Variants in PRDM6 observed in about 807,000 individuals in gnomAD.
PRDM6 encodes the protein PR/SET domain 6, also known as putative histone-lysine N-methyltransferase PRDM6.
PRDM6 carries 25 observed loss-of-function variants against 60.8 expected under a neutral mutation model. The observed-to-expected ratio is 0.41, with a 90% CI of 0.30 to 0.57. The LOEUF is 0.57. Ranked by LOEUF, PRDM6 falls within the 20% of genes least tolerant of loss-of-function variation. The probability of loss-of-function intolerance (pLI) is 0.27; values close to 1 mark genes in which losing one functional copy is unlikely to be tolerated. For missense variants in PRDM6, 839 were observed against 821.3 expected (o/e 1.02, Z -0.26); for synonymous variants, 407 against 357.4 (o/e 1.14, Z -1.57).
At chr5:123,115,078 A>G (rs941488697) in intron 3 of PRDM6, among the ~76,000 whole-genome samples, 1 of 152,172 alleles carries the variant, frequency 6.6e-6, no homozygotes, top group African/African-American at 2.4e-5. Flanking sequence ...GAGGAGGTGT[A>G]AGACATCTGT....
At chr5:123,136,936 G>T (rs1321153487) in intron 3 of PRDM6, among the ~76,000 whole-genome samples, 1 of 152,194 alleles carries the variant, frequency 6.6e-6, no homozygotes, top group Non-Finnish European at 1.5e-5. Flanking sequence ...CCCACACTCT[G>T]CAACCAAGCT....
chr5:123,153,754 C>T (rs1765429185), intron 3 of PRDM6, among the ~76,000 whole-genome samples: 1 of 152,052 alleles, frequency 6.6e-6, no homozygotes, highest in African/African-American at 2.4e-5. Flanking sequence ...TACTAATTTT[C>T]AAGGTGGACT....
intron 3 of PRDM6, among the ~76,000 whole-genome samples, chr5:123,143,147 A>ATG (rs1561848858): frequency 1.6e-3 from 149 of 93,978 alleles, no homozygotes; most frequent in South Asian, 7.9e-3. Context: ...GTAGTTTTTA[A>ATG]AGTGTGTGTG....
At chr5:123,122,164 CAAA>C (rs138619125) in intron 3 of PRDM6, among the ~76,000 whole-genome samples, 1 of 98,920 alleles carries the variant, frequency 1.0e-5, no homozygotes, top group Non-Finnish European at 1.8e-5. Context: ...CTCCATCTGA[CAAA>C]AAAAAAAAAA....
intron 3 of PRDM6, among the ~76,000 whole-genome samples, chr5:123,121,864 T>C (rs1764587727): frequency 6.6e-6 from 1 of 151,212 alleles, no homozygotes; most frequent in Admixed American, 6.6e-5. Flanking sequence ...TTTTTTTTTT[T>C]TTTTTAAGAA....
intron 5 of PRDM6, among the ~76,000 whole-genome samples, chr5:123,160,616 A>G (rs191988820): frequency 4.6e-5 from 7 of 152,350 alleles, no homozygotes; most frequent in African/African-American, 1.2e-4. Flanking sequence ...AAAAACGCTC[A>G]TATTATGACT....
intron 5 of PRDM6, among the ~76,000 whole-genome samples, chr5:123,168,296 G>A (rs1352838818): frequency 1.3e-5 from 2 of 152,006 alleles, no homozygotes; most frequent in African/African-American, 4.8e-5. Flanking sequence ...GTATATTTAT[G>A]TATATAATAC....
chr5:123,132,343 T>C (rs1764851944), intron 3 of PRDM6, among the ~76,000 whole-genome samples: 1 of 152,098 alleles, frequency 6.6e-6, no homozygotes, highest in Non-Finnish European at 1.5e-5. Flanking sequence ...AAGTTATCAA[T>C]TTTCACATAA....
At chr5:123,170,443 C>A (rs1163275489) in intron 5 of PRDM6, among the ~76,000 whole-genome samples, 1 of 152,204 alleles carries the variant, frequency 6.6e-6, no homozygotes, top group Non-Finnish European at 1.5e-5. Flanking sequence ...TGCCTCCCAT[C>A]TAAACTCCCT....
At chr5:123,096,231 A>G (rs1763956967) in intron 2 of PRDM6, among the ~76,000 whole-genome samples, 1 of 9,994 alleles carries the variant, frequency 1.0e-4, no homozygotes, top group East Asian at 2.6e-3. Flanking sequence ...TTAGGAACCT[A>G]AGTAGTTGTA....
At chr5:123,132,259 C>T (rs1396291913) in intron 3 of PRDM6, among the ~76,000 whole-genome samples, 2 of 152,074 alleles carry the variant, frequency 1.3e-5, no homozygotes, top group African/African-American at 4.8e-5. Flanking sequence ...TGCATTACCA[C>T]GTGGGGTGTA....
chr5:123,163,594 A>G (rs1487773492), intron 5 of PRDM6, among the ~76,000 whole-genome samples: 3 of 152,320 alleles, frequency 2.0e-5, no homozygotes, highest in Non-Finnish European at 4.4e-5. Context: ...CTCCAAAGAG[A>G]GTGCCTTTCC....
At chr5:123,164,359 A>T (rs1035127766) in intron 5 of PRDM6, among the ~76,000 whole-genome samples, 1 of 152,174 alleles carries the variant, frequency 6.6e-6, no homozygotes, top group Admixed American at 6.5e-5. Context: ...CTGTCCCTGA[A>T]TGGGGAATAG....
chr5:123,089,662 G>A (rs1239823785), intron 1 of PRDM6, 143 bp downstream of exon 1: 2 of 251,094 alleles, frequency 8.0e-6, no homozygotes, highest in Non-Finnish European at 1.5e-5. Flanking sequence ...CGCCACGCCG[G>A]CTCGGGTCGG....
intron 3 of PRDM6, among the ~76,000 whole-genome samples, chr5:123,102,131 G>T (rs1160197823): frequency 6.6e-6 from 1 of 151,988 alleles, no homozygotes; most frequent in East Asian, 1.9e-4. Context: ...GGTACATTTG[G>T]GAATTGAAGG....
chr5:123,173,752 G>C (rs1215183420), intron 6 of PRDM6, among the ~76,000 whole-genome samples: 1 of 152,154 alleles, frequency 6.6e-6, no homozygotes, highest in Non-Finnish European at 1.5e-5. Context: ...AATAGAGGGA[G>C]ATATCCAGTC....
intron 3 of PRDM6, among the ~76,000 whole-genome samples, chr5:123,119,279 A>G (rs1764527530): frequency 1.3e-5 from 2 of 152,204 alleles, no homozygotes; most frequent in Admixed American, 1.3e-4. Flanking sequence ...AAAAAACAAG[A>G]TGAGAGATTT....
chr5:123,143,148 AGTGTGTGT>A (rs139092433), intron 3 of PRDM6, among the ~76,000 whole-genome samples: 59 of 145,976 alleles, frequency 4.0e-4, no homozygotes, highest in East Asian at 3.8e-3. Flanking sequence ...TAGTTTTTAA[AGTGTGTGT>A]GTGTGTGTGT....
At chr5:123,171,138 G>T in intron 6 of PRDM6, 30 bp downstream of exon 6, 2 of 1,491,422 alleles carry the variant, frequency 1.3e-6, no homozygotes, top group South Asian at 1.3e-5. Context: ...CTGACAGTGT[G>T]TTTGCTTAGT....
Sources: allele counts gnomAD v4.1 joint callset (sites outside exome capture counted in the v4.1 genomes callset), GRCh38; gene constraint gnomAD v4.1.1; transcripts MANE v1.5; gene names NCBI Gene and HGNC (gene_info 2026-07-23, HGNC 2026-07-21).